NID2: variants seen among roughly 807,000 people sequenced by gnomAD.
NID2 encodes nidogen 2.
Under a neutral mutation model 145.4 loss-of-function variants are expected in NID2, and 83 were observed. The ratio of observed to expected loss-of-function variants is 0.57; its 90% CI spans 0.48 to 0.69. The LOEUF is 0.69. Ranked by LOEUF, NID2 falls within the 30% of genes least tolerant of loss-of-function variation. The pLI, the probability that NID2 is intolerant of heterozygous loss-of-function variation, is 0.00. For synonymous variants in NID2, 739 were observed against 701.3 expected (o/e 1.05, Z -0.85); for missense variants, 1,807 against 1,765.7 (o/e 1.02, Z -0.42).
intron 9 of NID2, among the ~76,000 whole-genome samples, chr14:52,030,541 AAAGAAAG>A (rs1891785146): frequency 1.7e-5 from 1 of 57,144 alleles, no homozygotes; most frequent in African/African-American, 5.8e-5. Context: ...AGAAAGAAAG[AAAGAAAG>A]AAAGAAAGAA....
At chr14:52,041,393 C>T (rs1007575447) in intron 7 of NID2, among the ~76,000 whole-genome samples, 3 of 152,166 alleles carry the variant, frequency 2.0e-5, no homozygotes, top group Non-Finnish European at 2.9e-5. Flanking sequence ...TAACAGCTAC[C>T]GAGCTCTGCA....
At chr14:52,060,439 T>G in intron 2 of NID2, 83 bp from the exon 3 acceptor site, 1 of 756,800 alleles carries the variant, frequency 1.3e-6, no homozygotes, top group Non-Finnish European at 2.0e-6. Context: ...AGAAACAGAA[T>G]GCAAGCAAAG....
intron 8 of NID2, 31 bp downstream of exon 8, chr14:52,040,620 T>A (rs1892243675): frequency 6.3e-7 from 1 of 1,587,104 alleles, no homozygotes; most frequent in African/African-American, 1.3e-5. Flanking sequence ...ATAATCCCCA[T>A]TTTACAGATG....
Position 52,054,050 on chromosome 14 carries a change from G to A in NID2, c.1039C>T (p.Gln347Ter), listed in dbSNP as rs768400547. 1 of 1,614,140 alleles carries A rather than the reference G, an allele frequency of 6.2e-7. No individual in the cohort carries two copies. The highest frequency in any genetic ancestry group is 8.5e-7 in the Non-Finnish European group (1 of 1,179,988). The change falls in exon 4 of 22, where the codon CAA becomes TAA. Residue 347 changes from glutamine to a stop codon, truncating the protein, a stop_gained. Transcript: ENST00000216286. LOFTEE classifies it high-confidence loss of function. ...NGHSSIDVSF[Q>*]SKVDTKPLEE... ...AAAGGCTTTGTATCCACTTTGGATT[G>A]GAAGGAAACATCAATGCTGCTGTGG... is the stretch of plus-strand genomic sequence containing the variant.
intron 12 of NID2, among the ~76,000 whole-genome samples, chr14:52,026,962 G>C (rs560119389): frequency 8.5e-5 from 13 of 152,318 alleles, no homozygotes; most frequent in Non-Finnish European, 1.5e-4. Context: ...AGAAGCTCCC[G>C]AGTGCTACAG....
Position 52,060,189 on chromosome 14 carries a change from A to T in NID2, c.702T>A (p.Asp234Glu). ...RVGFCRGEAD[D>E]LKSEGPYFSL... ...TGAAATATGGTCCTTCTGACTTCAG[A>T]TCATCAGCCTCCCCTCGGCAGAAGC... is the stretch of plus-strand genomic sequence containing the variant. The change falls in exon 3 of 22, where the codon GAT (aspartate) becomes GAA (glutamate). Residue 234 changes from aspartate to glutamate, a missense_variant. Transcript: ENST00000216286. The T allele has an allele frequency of 2.5e-6, 4 of 1,614,076 alleles. No homozygotes were observed. The South Asian group carries it at 3.3e-5, about 13-fold the overall frequency.
chr14:52,008,154 T>C, intron 18 of NID2, 187 bp from the exon 19 acceptor site: 1 of 487,984 alleles, frequency 2.0e-6, no homozygotes, highest in Non-Finnish European at 3.6e-6. Flanking sequence ...TGATAGGCTA[T>C]CACTGCCGAT....
At chr14:52,033,058 C>CA (rs929318657) in intron 9 of NID2, among the ~76,000 whole-genome samples, 1 of 152,164 alleles carries the variant, frequency 6.6e-6, no homozygotes, top group African/African-American at 2.4e-5. Flanking sequence ...CTTGGCTTCC[C>CA]AAAACATTTT....
rs1890735948 is a variant in NID2, at chr14:52,005,498, T to A, written c.4118-2A>T. The A allele has an allele frequency of 2.5e-6, 4 of 1,598,628 alleles. No individual in the cohort carries two copies. Among genetic ancestry groups the A allele is most frequent in the African/African-American group, 2.7e-5 (2 of 74,070 alleles). On this transcript the variant is annotated splice_acceptor_variant, in intron 21 of 21. Transcript: ENST00000216286. LOFTEE classifies it high-confidence loss of function. ...TACATTACTGTACTTACTTTCTTCC[T>A]GTGAGAGAAGAGCAGGGGTGGGACA...
chr14:52,053,650 C>T lies in NID2; in HGVS notation c.1358G>A (p.Gly453Asp), dbSNP rs2101919. 1,173,894 of 1,614,008 alleles carry T rather than the reference C, an allele frequency of 0.73. 433,948 individuals carry two copies. Among genetic ancestry groups the T allele is most frequent in the Non-Finnish European group, 0.77 (905,519 of 1,179,986 alleles). Residue 453 changes from glycine (G) to aspartate (D), a missense_variant, in exon 5 of 22, where the codon GGT becomes GAT. Physicochemically the swap from Gly to Asp is moderately conservative, Grantham distance 94 (BLOSUM62 -1). Coordinates refer to ENST00000216286, the MANE Select transcript of NID2 (RefSeq NM_007361.4). ...CCCTCGACTTAAGGGTGTAGTGTGACCTGAAGCAGGGTAACTTCGAAGAAC... is the reference window on the plus strand; with the variant it reads ...CCCTCGACTTAAGGGTGTAGTGTGATCTGAAGCAGGGTAACTTCGAAGAAC... ...EIVLRSYPAS[G>D]HTTPLSRGTY...
chr14:52,057,937 T>C (rs1390299346), intron 3 of NID2, among the ~76,000 whole-genome samples: 2 of 152,130 alleles, frequency 1.3e-5, no homozygotes. Context: ...TTCCTAAGAA[T>C]AACAACAAGA....
At position 52,038,976 on chromosome 14, in the gene NID2, A is replaced by G. The variant is rs139276055; in HGVS notation, c.2028T>C (p.Thr676=). 1.5e-5 allele frequency: 24 copies of G among 1,597,502 alleles called. No homozygotes were observed. In the African/African-American group the frequency reaches 3.2e-4, roughly 21 times the overall value. ...AGTCTCTGGAACTTGTAGAGGTCAC[A>G]GCTGCAACAAACACAGTGGTAATTT... is the stretch of plus-strand genomic sequence containing the variant. ...YKELYHYSDS[T]VTSTSSRDYS... Residue 676 remains threonine, a splice_region_variant and synonymous_variant, in exon 9 of 22, where the codon ACT becomes ACC. Transcript: ENST00000216286.
rs140488728 is a variant in NID2 at position 52,015,204 on chromosome 14, G to A, written c.3100C>T (p.Pro1034Ser). Residue 1034 changes from proline (P) to serine (S), a missense_variant, in exon 15 of 22, where the codon CCC (proline) becomes TCC (serine). Transcript: ENST00000216286. ...ENLLEHYGGT[P>S]RDDQYVPQCD... ...TGGGGCACGTACTGGTCATCCCGGG[G>A]GGTGCCACCGTAGTGCTCCAGCAGG... is the stretch of plus-strand genomic sequence containing the variant. 1.9e-6 allele frequency: 3 copies of A among 1,614,100 alleles called. 1 individual carries two copies. In the East Asian group the frequency reaches 6.7e-5, roughly 36 times the overall value.
chr14:52,028,464 C>T (rs374417562), intron 11 of NID2, among the ~76,000 whole-genome samples: 54 of 152,188 alleles, frequency 3.5e-4, no homozygotes, highest in East Asian at 3.3e-3. Flanking sequence ...TTTGTAGAGA[C>T]GGGGTTTTGC....
At chr14:52,040,628 A>G (rs757468122) in intron 8 of NID2, 23 bp downstream of exon 8, 2 of 1,597,700 alleles carry the variant, frequency 1.3e-6, no homozygotes, top group Non-Finnish European at 1.7e-6. Flanking sequence ...CATTTTACAG[A>G]TGTGAAGACT....
intron 12 of NID2, among the ~76,000 whole-genome samples, chr14:52,022,884 G>A (rs887707703): frequency 1.3e-5 from 2 of 151,974 alleles, no homozygotes; most frequent in African/African-American, 4.8e-5. Context: ...AAATTTCTTG[G>A]CATCAATTAA....
intron 3 of NID2, among the ~76,000 whole-genome samples, chr14:52,055,451 T>C (rs1048426938): frequency 1.3e-5 from 2 of 152,182 alleles, no homozygotes; most frequent in Non-Finnish European, 2.9e-5. Flanking sequence ...AAAAATTTGT[T>C]TTTGCACTGA....
intron 18 of NID2, 46 bp downstream of exon 18, chr14:52,010,830 C>A (rs1176521742): frequency 6.3e-7 from 1 of 1,587,404 alleles, no homozygotes; most frequent in East Asian, 2.2e-5. Context: ...AAGGGCTTCA[C>A]ATCAGGATCT....
chr14:52,037,082 T>C (rs1007960612), intron 9 of NID2, among the ~76,000 whole-genome samples: 10 of 152,304 alleles, frequency 6.6e-5, no homozygotes, highest in African/African-American at 2.4e-4. Context: ...TACCCATATG[T>C]TTTCTTCTAA....
Sources: gnomAD v4.1 joint callset for allele counts (sites outside exome capture counted in the v4.1 genomes callset) on GRCh38, gnomAD v4.1.1 for gene constraint, MANE v1.5 for transcripts, NCBI Gene and HGNC (gene_info 2026-07-23, HGNC 2026-07-21) for gene names.